Variants in TRHDE observed in about 807,000 individuals in gnomAD.
The protein encoded by TRHDE is thyrotropin releasing hormone degrading enzyme.
Under a neutral mutation model 125.7 loss-of-function variants are expected in TRHDE, and 72 were observed. That is an observed-to-expected ratio of 0.57 (90% CI 0.47 to 0.70). TRHDE has a LOEUF of 0.70. Among genes scored for constraint, TRHDE ranks in the 30% least tolerant of loss-of-function variants. TRHDE has a pLI of 0.00. For missense variants in TRHDE, 1,110 were observed against 1,327.1 expected, an observed-to-expected ratio of 0.84 and a Z score of 2.54; for synonymous variants, 509 against 509.1, an observed-to-expected ratio of 1.00 and a Z score of 0.00.
intron 2 of TRHDE, among the ~76,000 whole-genome samples, chr12:72,244,986 G>A (rs567307338): frequency 7.2e-5 from 11 of 152,160 alleles, no homozygotes; most frequent in East Asian, 1.9e-4. Context: ...GAATGTGAAA[G>A]GCATGTGAAT....
chr12:72,301,715 G>C (rs1289279508), intron 2 of TRHDE, among the ~76,000 whole-genome samples: 1 of 152,148 alleles, frequency 6.6e-6, no homozygotes, highest in Non-Finnish European at 1.5e-5. Context: ...TAGAAGTACA[G>C]TGCCTATCAA....
In TRHDE at chr12:72,525,634, T is replaced by A. The variant is rs5019752; in HGVS notation, c.1723-16657T>A. 9.6e-3 allele frequency among the ~76,000 whole-genome samples: 951 copies of A among 98,880 alleles called. 6 individuals carry two copies. Among genetic ancestry groups the A allele is most frequent in the South Asian group, 0.04 (105 of 2,608 alleles). The allele number at this position is 98,880 out of a possible 152,430, so 64.9% of individuals were successfully genotyped here. A position where few individuals can be genotyped will look rare whatever the true frequency, so the allele number is the denominator to read the frequency against. ...GTGTGTGTGTGTGTGTGTGTGTGTG[T>A]GAGAGAGAGAGAGAGAGAGAGAAAG... On this transcript the variant is annotated intron_variant, in intron 6 of 18. Transcript: ENST00000261180.
intron 2 of TRHDE, among the ~76,000 whole-genome samples, chr12:72,212,563 C>T (rs1877805185): frequency 1.3e-5 from 2 of 151,978 alleles, no homozygotes; most frequent in South Asian, 4.2e-4. Flanking sequence ...AGACATTTCT[C>T]CCAAGAAGTT....
chr12:72,568,513 GT>G, intron 9 of TRHDE, 54 bp from the exon 10 acceptor site: 2 of 1,335,850 alleles, frequency 1.5e-6, no homozygotes, highest in East Asian at 2.3e-5. Flanking sequence ...AATGTTTTTT[GT>G]TTTTGTTTCG....
chr12:72,167,041 C>T (rs539593836), intron 2 of TRHDE, among the ~76,000 whole-genome samples: 40 of 151,072 alleles, frequency 2.6e-4, no homozygotes, highest in Admixed American at 9.9e-4. Flanking sequence ...GGTAGATGAC[C>T]CTTTGGATGC....
chr12:72,161,345 A>G (rs1166512635), intron 2 of TRHDE, among the ~76,000 whole-genome samples: 1 of 151,724 alleles, frequency 6.6e-6, no homozygotes, highest in Non-Finnish European at 1.5e-5. Context: ...AGGCAGGAGA[A>G]TCGCTTGAAC....
chr12:72,267,934 G>T (rs1879103980), upstream of TRHDE, among the ~76,000 whole-genome samples: 1 of 147,634 alleles, frequency 6.8e-6, no homozygotes, highest in Admixed American at 6.6e-5. Flanking sequence ...CTGTCTGGAA[G>T]GGTAGTTCTT....
chr12:72,623,899 A>ATCTG (rs1873155070), intron 15 of TRHDE, among the ~76,000 whole-genome samples: 1 of 152,040 alleles, frequency 6.6e-6, no homozygotes, highest in African/African-American at 2.4e-5. Context: ...TCTGCCACTT[A>ATCTG]TCTGTGGTAA....
At chr12:72,122,690 T>A (rs1245259071) in intron 2 of TRHDE, among the ~76,000 whole-genome samples, 1 of 152,152 alleles carries the variant, frequency 6.6e-6, no homozygotes, top group Non-Finnish European at 1.5e-5. Context: ...CTTTTCTGGA[T>A]ATTTGAGAGC....
chr12:72,185,929 A>C (rs1414467486), intron 2 of TRHDE, among the ~76,000 whole-genome samples: 1 of 152,042 alleles, frequency 6.6e-6, no homozygotes, highest in Non-Finnish European at 1.5e-5. Context: ...TCTGTATCTA[A>C]CTAATCTGAT....
chr12:72,597,832 T>C (rs1445549758), intron 12 of TRHDE, among the ~76,000 whole-genome samples: 1 of 148,254 alleles, frequency 6.7e-6, no homozygotes, highest in Non-Finnish European at 1.5e-5. Context: ...TTTATAATTT[T>C]TAAAATAGAA....
chr12:72,396,575 C>T (rs1369306258), intron 3 of TRHDE, among the ~76,000 whole-genome samples: 1 of 152,108 alleles, frequency 6.6e-6, no homozygotes, highest in Non-Finnish European at 1.5e-5. Context: ...GAAACCCCAT[C>T]TCTACTAAAA....
chr12:72,621,752 G>GT lies in TRHDE; in HGVS notation c.2675+2dup. The GT allele has an allele frequency of 6.3e-7, 1 of 1,595,726 alleles. No homozygotes were observed. Among genetic ancestry groups the GT allele is most frequent in the Non-Finnish European group, 8.5e-7 (1 of 1,170,764 alleles). Reference sequence around the variant, plus strand: ...ATTGGATTTCCAGCAACAGGAACAGGTAAACTGAGCCAAATCCTGTATTTC... The same window carrying GT: ...ATTGGATTTCCAGCAACAGGAACAGGTTAAACTGAGCCAAATCCTGTATTTC... On this transcript the variant is annotated splice_donor_variant, in intron 15 of 18. Coordinates refer to ENST00000261180, the MANE Select transcript of TRHDE (RefSeq NM_013381.3). LOFTEE classifies it high-confidence loss of function.
At chr12:72,252,275 A>G (rs1878701990) in intron 2 of TRHDE, among the ~76,000 whole-genome samples, 1 of 152,068 alleles carries the variant, frequency 6.6e-6, no homozygotes, top group Non-Finnish European at 1.5e-5. Flanking sequence ...ATTTAAGTCT[A>G]TTATCAATTT....
chr12:72,317,300 C>G (rs545647676), intron 2 of TRHDE, among the ~76,000 whole-genome samples: 26 of 152,182 alleles, frequency 1.7e-4, no homozygotes, highest in Non-Finnish European at 3.2e-4. Context: ...TAGGGAGATA[C>G]AAGTGGGTAA....
intron 2 of TRHDE, among the ~76,000 whole-genome samples, chr12:72,132,909 GAGA>G (rs984545165): frequency 4.8e-4 from 73 of 152,254 alleles, no homozygotes; most frequent in African/African-American, 1.7e-3. Flanking sequence ...TCTTGATGAG[GAGA>G]AGTTTTCCAA....
intron 3 of TRHDE, among the ~76,000 whole-genome samples, chr12:72,406,313 A>G (rs1185448804): frequency 6.6e-6 from 1 of 152,146 alleles, no homozygotes; most frequent in East Asian, 1.9e-4. Context: ...ATACGTCAAC[A>G]GATTATTGTT....
At chr12:72,585,049 C>G (rs554719150) in intron 12 of TRHDE, among the ~76,000 whole-genome samples, 25 of 152,188 alleles carry the variant, frequency 1.6e-4, no homozygotes, top group Non-Finnish European at 3.4e-4. Context: ...TAACTGACTA[C>G]TATTATCTGC....
chr12:72,658,806 A>T (rs1475315064), intron 18 of TRHDE, among the ~76,000 whole-genome samples: 3 of 152,228 alleles, frequency 2.0e-5, no homozygotes, highest in African/African-American at 7.2e-5. Flanking sequence ...TCTAAGTGGC[A>T]TGAGGAATGA....
Sources: gnomAD v4.1 joint callset for allele counts (sites outside exome capture counted in the v4.1 genomes callset) on GRCh38, gnomAD v4.1.1 for gene constraint, MANE v1.5 for transcripts, NCBI Gene and HGNC (gene_info 2026-07-23, HGNC 2026-07-21) for gene names.